PER1: variants seen among roughly 807,000 people sequenced by gnomAD.
PER1 encodes the protein period circadian protein homolog 1.
Under a neutral mutation model 125.9 loss-of-function variants are expected in PER1, and 87 were observed. That is an observed-to-expected ratio of 0.69 (90% CI 0.58 to 0.83). The LOEUF is 0.83. PER1 is among the 40% of genes least tolerant of loss of function. The pLI, the probability that PER1 is intolerant of heterozygous loss-of-function variation, is 0.00. For missense variants in PER1, 1,775 were observed against 1,722.8 expected (o/e 1.03, Z -0.54); for synonymous variants, 801 against 714.7 (o/e 1.12, Z -1.93).
At position 8,146,392 on chromosome 17, in the gene PER1, A is replaced by C. The variant is rs914284171; in HGVS notation, c.2018T>G (p.Val673Gly). Residue 673 changes from valine to glycine, a missense_variant, in exon 16 of 23, where the codon GTC becomes GGC. Physicochemically the swap from Val to Gly is moderately radical, Grantham distance 109. Coordinates refer to ENST00000317276, the MANE Select transcript of PER1 (RefSeq NM_002616.3). ...SDDDRQRTGPVSVGTKKDPPS... is the reference protein window; with the variant it reads ...SDDDRQRTGPGSVGTKKDPPS... ...TTTACCTTTCTTGGTCCCCACAGAG[A>C]CTGGACCTGTCCTCTGCCTGTCGTC... 8.7e-6 allele frequency: 14 copies of C among 1,610,662 alleles called. No homozygotes were observed. The highest frequency in any genetic ancestry group is 1.2e-5 in the Non-Finnish European group (14 of 1,178,280).
chr17:8,144,491 G>T (rs369871498), intron 18 of PER1: 2 of 505,258 alleles, frequency 4.0e-6, no homozygotes, highest in Non-Finnish European at 3.5e-6. Context: ...GGCTAGGCCT[G>T]AAGTCGCTTA....
In PER1 at chr17:8,149,264, A is replaced by T. The variant is rs1246891394; in HGVS notation, c.900T>A (p.Arg300=). The T allele has an allele frequency of 6.2e-7, 1 of 1,613,292 alleles. No homozygotes were observed. Among genetic ancestry groups the T allele is most frequent in the African/African-American group, 1.3e-5 (1 of 74,892 alleles). The change falls in exon 7 of 23, where the codon CGT becomes CGA. Residue 300 remains arginine (R), a synonymous_variant. Coordinates refer to ENST00000317276, the MANE Select transcript of PER1 (RefSeq NM_002616.3). The part of the protein sequence containing the change: ...DFTQEKSVFC[R]IRGGPDRDPG... ...CTCCAGTTCCCCTCACCTACCTGAT[A>T]CGGCAGAAGACGGACTTCTCCTGGG...
Position 8,143,729 on chromosome 17 carries a change from G to C in PER1, c.2609C>G (p.Thr870Ser). The change falls in exon 19 of 23, where the codon ACC (threonine) becomes AGC (serine). Residue 870 changes from threonine to serine, a missense_variant. Physicochemically the swap from Thr to Ser is moderately conservative, Grantham distance 58 (BLOSUM62 1). Coordinates refer to ENST00000317276, the MANE Select transcript of PER1 (RefSeq NM_002616.3). Reference protein sequence around the residue: ...SPVPPSTPWPTPPATTPFPAV... With the variant: ...SPVPPSTPWPSPPATTPFPAV... ...TGGGAAGGGGGTAGTGGCTGGTGGG[G>C]TGGGCCAGGGGGTGGAGGGTGGCAC... 6.5e-7 allele frequency: 1 copy of C among 1,536,936 alleles called. No homozygotes were observed. The highest frequency in any genetic ancestry group is 1.2e-5 in the South Asian group (1 of 82,012).
rs375192853 is a variant in PER1 at position 8,146,175 on chromosome 17, C to G, written c.2039-38G>C. ...ATGGTGCCAGTTACCATCCCCACCCCCACTGGGAAGTCAGGAGAGAGGATC... is the reference window on the plus strand; with the variant it reads ...ATGGTGCCAGTTACCATCCCCACCCGCACTGGGAAGTCAGGAGAGAGGATC... On this transcript the variant is annotated intron_variant, in intron 16 of 22. Transcript: ENST00000317276. The G allele has an allele frequency of 1.3e-5, 21 of 1,559,740 alleles. No homozygotes were observed. The South Asian group carries it at 2.1e-4, about 15-fold the overall frequency.
At chr17:8,147,159 G>T in intron 13 of PER1, 91 bp downstream of exon 13, 1 of 1,492,722 alleles carries the variant, frequency 6.7e-7, no homozygotes, top group Non-Finnish European at 9.1e-7. Context: ...GGCAAAGGAG[G>T]ATCGGGCAAG....
intron 16 of PER1, 47 bp from the exon 17 acceptor site, chr17:8,146,184 A>G (rs374656235): frequency 3.2e-6 from 5 of 1,553,296 alleles, no homozygotes; most frequent in Non-Finnish European, 4.4e-6. Flanking sequence ...CCCACTGGGA[A>G]GTCAGGAGAG....
Position 8,141,053 on chromosome 17 carries a change from G to A in PER1, c.*15C>T, listed in dbSNP as rs184493993. On this transcript the variant is annotated 3_prime_UTR_variant, in exon 23 of 23. Coordinates refer to ENST00000317276, the MANE Select transcript of PER1 (RefSeq NM_002616.3). ...AGCCTCTCATGGACTCCTGGAGATGGTCCCAGAATGGAGTCTAGCTGGTGC... is the reference window on the plus strand; with the variant it reads ...AGCCTCTCATGGACTCCTGGAGATGATCCCAGAATGGAGTCTAGCTGGTGC... The A allele has an allele frequency of 7.5e-6, 12 of 1,602,498 alleles. No homozygotes were observed. Among genetic ancestry groups the A allele is most frequent in the South Asian group, 2.2e-5 (2 of 89,766 alleles).
In PER1 at chr17:8,144,833, GGCTT is replaced by G; in HGVS notation, c.2375_2378del (p.Gln792ProfsTer123). On this transcript the variant is annotated frameshift_variant, in exon 18 of 23. Coordinates refer to ENST00000317276, the MANE Select transcript of PER1 (RefSeq NM_002616.3). LOFTEE classifies it high-confidence loss of function. ...CCAGGTCTCGGAAGCGGCTGAGGAA[GGCTT>G]GCTCTTCCTTCTGTGTGTGCAGGGA... is the stretch of plus-strand genomic sequence containing the variant. The G allele has an allele frequency of 6.3e-7, 1 of 1,587,016 alleles. No homozygotes were observed. Among genetic ancestry groups the G allele is most frequent in the Non-Finnish European group, 8.6e-7 (1 of 1,165,304 alleles).
Position 8,148,105 on chromosome 17 carries a change from T to C in PER1, c.1128-2A>G. 6.2e-7 allele frequency: 1 copy of C among 1,613,036 alleles called. No individual in the cohort carries two copies. Among genetic ancestry groups the C allele is most frequent in the Non-Finnish European group, 8.5e-7 (1 of 1,179,496 alleles). On this transcript the variant is annotated splice_acceptor_variant, in intron 9 of 22. Coordinates refer to ENST00000317276, the MANE Select transcript of PER1 (RefSeq NM_002616.3). LOFTEE classifies it high-confidence loss of function. Reference sequence around the variant, plus strand: ...AGGTAGCCCAGCAGGGGGGCAGCCCTGAACGGGAAGGAGGCATCAGAGTGG... The same window carrying C: ...AGGTAGCCCAGCAGGGGGGCAGCCCCGAACGGGAAGGAGGCATCAGAGTGG...
At position 8,140,965 on chromosome 17, in the gene PER1, G is replaced by T; in HGVS notation, c.*103C>A. 7.6e-7 allele frequency: 1 copy of T among 1,311,392 alleles called. No homozygotes were observed. Among genetic ancestry groups the T allele is most frequent in the Non-Finnish European group, 1.1e-6 (1 of 944,534 alleles). 81.2% of individuals were successfully genotyped at this position (1,311,392 alleles called of 1,614,324 possible). ...GCCCCCTATGGTGGGAGAAGCTGGG[G>T]CAGTTTCCCACTGGTTGGTCTAGCC... On this transcript the variant is annotated 3_prime_UTR_variant, in exon 23 of 23. Transcript: ENST00000317276.
In PER1 at chr17:8,147,545, C is replaced by CG; in HGVS notation, c.1421dup (p.Ala475GlyfsTer11). On this transcript the variant is annotated frameshift_variant, in exon 12 of 23. Transcript: ENST00000317276. LOFTEE classifies it high-confidence loss of function. ...CCAGGGAGGGAGCTGGGCTGGGGGCCGGGGGAGTGAACACGTCCTCATTCA... is the reference window on the plus strand; with the variant it reads ...CCAGGGAGGGAGCTGGGCTGGGGGCCGGGGGGAGTGAACACGTCCTCATTCA... The CG allele has an allele frequency of 1.2e-6, 2 of 1,613,670 alleles. No homozygotes were observed. The highest frequency in any genetic ancestry group is 1.7e-6 in the Non-Finnish European group (2 of 1,179,794).
chr17:8,151,234 G>A (rs1982843740), intron 1 of PER1, among the ~76,000 whole-genome samples: 1 of 152,200 alleles, frequency 6.6e-6, no homozygotes. Context: ...AATTTTATCC[G>A]GGGGCGGTGC....
rs1982031987 is a variant in PER1, at chr17:8,140,773, GGA to G, written c.*293_*294del. 2.6e-6 allele frequency: 1 copy of G among 380,028 alleles called. No homozygotes were observed. Among genetic ancestry groups the G allele is most frequent in the Admixed American group, 3.9e-5 (1 of 25,966 alleles). 23.5% of individuals were successfully genotyped at this position (380,028 alleles called of 1,614,324 possible). A position where few individuals can be genotyped will look rare whatever the true frequency, so the allele number is the denominator to read the frequency against. On this transcript the variant is annotated 3_prime_UTR_variant, in exon 23 of 23. Coordinates refer to ENST00000317276, the MANE Select transcript of PER1 (RefSeq NM_002616.3). ...TCAGATTCAGGCTCAGCTGGAATATGGAGAGGCCACTTCAGCAGCTTGTCAGC... is the reference window on the plus strand; with the variant it reads ...TCAGATTCAGGCTCAGCTGGAATATGGAGGCCACTTCAGCAGCTTGTCAGC...
rs199961873 is a variant in PER1 at position 8,147,846 on chromosome 17, G to A, written c.1235-19C>T. The A allele has an allele frequency of 3.7e-4, 591 of 1,613,298 alleles. No homozygotes were observed. Among genetic ancestry groups the A allele is most frequent in the Middle Eastern group, 8.2e-4 (5 of 6,082 alleles). On this transcript the variant is annotated intron_variant, in intron 10 of 22. Coordinates refer to ENST00000317276, the MANE Select transcript of PER1 (RefSeq NM_002616.3). ...TGCAGAACTGATGGAAGTGGGAAAG[G>A]AGGAGCGGTCAAAGGGAGGGAGAGC...
At position 8,148,762 on chromosome 17, in the gene PER1, C is replaced by G. The variant is rs761033130; in HGVS notation, c.930G>C (p.Gly310=). Residue 310 remains glycine (G), a synonymous_variant, in exon 8 of 23, where the codon GGG becomes GGC. Transcript: ENST00000317276. ...RIRGGPDRDP[G]PRYQPFRLTP... is the part of the protein sequence containing the mutation. ...TTAGGCGGAATGGCTGGTACCGAGG[C>G]CCTGGATCCCGGTCAGGACCTCCTC... The G allele has an allele frequency of 3.1e-6, 5 of 1,613,730 alleles. No homozygotes were observed. The highest frequency in any genetic ancestry group is 8.5e-7 in the Non-Finnish European group (1 of 1,179,864).
At chr17:8,148,902 A>G in intron 7 of PER1, 116 bp from the exon 8 acceptor site, 1 of 1,273,192 alleles carries the variant, frequency 7.9e-7, no homozygotes, top group Non-Finnish European at 1.1e-6. Context: ...GAGGAGGCAG[A>G]GGTAGGCCGG....
In PER1 at chr17:8,141,588, C is replaced by G. The variant is rs533190732; in HGVS notation, c.3600+217G>C. ...CTGTGAAAAGTTCTGCAAAGACTCA[C>G]GCGGCTTAATATTCTATAATCCACA... On this transcript the variant is annotated intron_variant, in intron 22 of 22. Coordinates refer to ENST00000317276, the MANE Select transcript of PER1 (RefSeq NM_002616.3). Among the ~76,000 whole-genome samples, 10 of 152,302 alleles carry G rather than the reference C, an allele frequency of 6.6e-5. No individual in the cohort carries two copies. The South Asian group carries it at 2.1e-3, about 32-fold the overall frequency.
chr17:8,142,088 A>T lies in PER1; in HGVS notation c.3450-133T>A, dbSNP rs544268614. The stretch of plus-strand genomic sequence containing the variant: ...CCCTAAACTAGTGCTATGCGAGGTC[A>T]AGGCTTCCAAGACCAGGAAACCTGC... On this transcript the variant is annotated intron_variant, in intron 21 of 22. Transcript: ENST00000317276. 3.1e-4 allele frequency: 398 copies of T among 1,277,674 alleles called. 3 individuals are homozygous for T. Among genetic ancestry groups the T allele is most frequent in the Non-Finnish European group, 8.8e-5 (80 of 908,218 alleles). The allele number at this position is 1,277,674 out of a possible 1,614,324, so 79.1% of individuals were successfully genotyped here. A position where few individuals can be genotyped will look rare whatever the true frequency, so the allele number is the denominator to read the frequency against.
intron 3 of PER1, 37 bp from the exon 4 acceptor site, chr17:8,150,162 T>C (rs775193525): frequency 6.2e-7 from 1 of 1,610,440 alleles, no homozygotes; most frequent in Admixed American, 1.7e-5. Context: ...ATAAAGACAT[T>C]AGTCCCAGAG....
Sources: allele counts gnomAD v4.1 joint callset (sites outside exome capture counted in the v4.1 genomes callset), GRCh38; gene constraint gnomAD v4.1.1; transcripts MANE v1.5; gene names NCBI Gene and HGNC (gene_info 2026-07-23, HGNC 2026-07-21).